FAAP20: variants seen among roughly 807,000 people sequenced by gnomAD.
FAAP20 encodes Fanconi anemia core complex-associated protein 20.
A neutral mutation model predicts 16.2 loss-of-function variants in FAAP20; 12 were observed. The observed-to-expected ratio is 0.74, with a 90% CI of 0.48 to 1.20. The LOEUF is 1.20. Among genes scored for constraint, FAAP20 ranks in the 50% most tolerant of loss-of-function variants. The pLI is 0.00. For missense variants in FAAP20, 288 were observed against 245.8 expected (o/e 1.17, Z -1.15); for synonymous variants, 141 against 110.7 (o/e 1.27, Z -1.72).
downstream of FAAP20, among the ~76,000 whole-genome samples, chr1:2,210,993 G>T (rs1465147171): frequency 1.3e-5 from 2 of 152,214 alleles, no homozygotes; most frequent in African/African-American, 4.8e-5. Context: ...GCCGGGCCCT[G>T]CAGCGCCTGT....
At chr1:2,185,247 C>T (rs576894067), downstream of FAAP20, 14 of 711,858 alleles carry the variant, frequency 2.0e-5, no homozygotes, top group African/African-American at 3.5e-5. Context: ...TGCGTCGCGG[C>T]GGATCCGCGG....
upstream of FAAP20, among the ~76,000 whole-genome samples, chr1:2,201,741 G>A (rs918041474): frequency 6.6e-6 from 1 of 151,488 alleles, no homozygotes; most frequent in African/African-American, 2.4e-5. Context: ...AAAAAGTCTG[G>A]GCGCGGTGGC....
At chr1:2,194,183 T>A in intron 1 of FAAP20, 50 bp from the exon 2 acceptor site, 1 of 1,599,958 alleles carries the variant, frequency 6.3e-7, no homozygotes, top group Non-Finnish European at 8.5e-7. Context: ...GCGGAAACGC[T>A]ATGGTGGGGA....
intron 3 of FAAP20, chr1:2,190,581 C>T: frequency 2.7e-6 from 1 of 364,878 alleles, no homozygotes; most frequent in South Asian, 1.9e-5. Flanking sequence ...GGACAGTTGA[C>T]TTCCGGCCAT....
Position 2,189,694 on chromosome 1 carries a change from G to T in FAAP20, c.*15C>A. 6.2e-7 allele frequency: 1 copy of T among 1,610,864 alleles called. No individual in the cohort carries two copies. Among genetic ancestry groups the T allele is most frequent in the East Asian group, 2.2e-5 (1 of 44,856 alleles). On this transcript the variant is annotated 3_prime_UTR_variant, in exon 4 of 4. Transcript: ENST00000378546. Reference sequence around the variant, plus strand: ...GTCCGGGCGCCGCACTCTGCGCAGGGCTCTTGGATGGCGCTCACCACGTCA... The same window carrying T: ...GTCCGGGCGCCGCACTCTGCGCAGGTCTCTTGGATGGCGCTCACCACGTCA...
At chr1:2,185,055 C>T (rs1442804528), downstream of FAAP20, 1 of 1,533,494 alleles carries the variant, frequency 6.5e-7, no homozygotes, top group Admixed American at 1.9e-5. Context: ...GACCCTTTAA[C>T]TGTATCCTTA....
chr1:2,189,611 AG>A lies in FAAP20; in HGVS notation c.*97del. 1 of 891,306 alleles carries A rather than the reference AG, an allele frequency of 1.1e-6. No individual in the cohort carries two copies. Among genetic ancestry groups the A allele is most frequent in the Middle Eastern group, 2.6e-4 (1 of 3,794 alleles). 55.2% of individuals were successfully genotyped at this position (891,306 alleles called of 1,614,324 possible). ...CTTTAATGCGCATGCGGGGGAGCCG[AG>A]AGGCGGGGCTGCTGGCGGGGGAGCC... On this transcript the variant is annotated 3_prime_UTR_variant, in exon 4 of 4. Coordinates refer to ENST00000378546, the MANE Select transcript of FAAP20 (RefSeq NM_182533.4).
chr1:2,210,308 A>G (rs1049702660), downstream of FAAP20, among the ~76,000 whole-genome samples: 2 of 152,174 alleles, frequency 1.3e-5, no homozygotes, highest in African/African-American at 2.4e-5. Flanking sequence ...GGCCAGTGGG[A>G]CACCTGCTGA....
chr1:2,184,544 C>A (rs190090688), downstream of FAAP20: 5 of 1,508,840 alleles, frequency 3.3e-6, no homozygotes, highest in Admixed American at 8.8e-5. Flanking sequence ...AGGGATGATG[C>A]CCGCGCGGAG....
chr1:2,200,358 GC>G (rs1194557061), upstream of FAAP20: 2 of 148,840 alleles, frequency 1.3e-5, no homozygotes, highest in Admixed American at 1.4e-4. Context: ...TCGTGCTGTT[GC>G]ACTCCAGCCT....
At chr1:2,206,715 C>T (rs962240096) in intron 1 of FAAP20, 4 of 152,172 alleles carry the variant, frequency 2.6e-5, no homozygotes, top group East Asian at 1.9e-4. Context: ...TGCCTGTAGT[C>T]CTAGCTACTC....
At chr1:2,198,916 C>T, upstream of FAAP20, 3 of 1,289,784 alleles carry the variant, frequency 2.3e-6, no homozygotes, top group Non-Finnish European at 3.0e-6. Flanking sequence ...GGCAGACAGG[C>T]TGTGAGAGAC....
chr1:2,192,901 T>C (rs1375839770), intron 3 of FAAP20: 1 of 1,301,784 alleles, frequency 7.7e-7, no homozygotes, highest in African/African-American at 1.5e-5. Flanking sequence ...TGCCCGGCCT[T>C]TTCTTTTGTT....
downstream of FAAP20, chr1:2,212,054 C>G (rs1405438620): frequency 1.3e-5 from 2 of 152,368 alleles, no homozygotes; most frequent in African/African-American, 2.4e-5. Flanking sequence ...AGGCGCCCGC[C>G]ACCACGCCCA....
upstream of FAAP20, chr1:2,198,168 G>A (rs1394083874): frequency 7.8e-7 from 1 of 1,288,008 alleles, no homozygotes; most frequent in Non-Finnish European, 1.0e-6. Context: ...ATTTCTGGTT[G>A]GGACTGACAC....
chr1:2,192,075 G>A lies in FAAP20; in HGVS notation c.470+1564C>T, dbSNP rs564078032. The A allele has an allele frequency of 2.9e-4, 290 of 985,538 alleles. 1 individual carries two copies. The African/African-American group carries it at 4.0e-3, about 14-fold the overall frequency. 61.0% of individuals were successfully genotyped at this position (985,538 alleles called of 1,614,324 possible). A position where few individuals can be genotyped will look rare whatever the true frequency, so the allele number is the denominator to read the frequency against. On this transcript the variant is annotated intron_variant, in intron 3 of 3. Coordinates refer to ENST00000378546, the MANE Select transcript of FAAP20 (RefSeq NM_182533.4). ...TGCCAGGGCTCCAGGCTCAGCAGGCGCCTGTGCGGGACAGGGCGACGGTTC... is the reference window on the plus strand; with the variant it reads ...TGCCAGGGCTCCAGGCTCAGCAGGCACCTGTGCGGGACAGGGCGACGGTTC...
chr1:2,191,821 T>TCCTCAGC, intron 3 of FAAP20: 1 of 984,570 alleles, frequency 1.0e-6, no homozygotes, highest in Non-Finnish European at 1.2e-6. Context: ...GCTCTCAACA[T>TCCTCAGC]CCTCACCCCT....
At chr1:2,187,720 CT>C, downstream of FAAP20, among the ~76,000 whole-genome samples, 1 of 152,114 alleles carries the variant, frequency 6.6e-6, no homozygotes, top group Admixed American at 6.5e-5. Context: ...CCTGCCCAGC[CT>C]CCCCCACCAC....
intron 3 of FAAP20, among the ~76,000 whole-genome samples, chr1:2,206,149 GA>G (rs1689251676): frequency 6.6e-6 from 1 of 152,258 alleles, no homozygotes; most frequent in Admixed American, 6.5e-5. Context: ...CCTGTCTGTG[GA>G]AAGGCAGCAA....
Sources: gnomAD v4.1 joint callset for allele counts (sites outside exome capture counted in the v4.1 genomes callset) on GRCh38, gnomAD v4.1.1 for gene constraint, MANE v1.5 for transcripts, NCBI Gene and HGNC (gene_info 2026-07-23, HGNC 2026-07-21) for gene names.